Variants in AXL observed in about 807,000 individuals in gnomAD.
AXL encodes AXL receptor tyrosine kinase.
Under a neutral mutation model 104.5 loss-of-function variants are expected in AXL, and 52 were observed. The observed-to-expected ratio is 0.50, with a 90% CI of 0.40 to 0.63. AXL has a LOEUF of 0.63. AXL is among the 20% of genes least tolerant of loss of function. AXL has a pLI of 0.00. For missense variants in AXL, 1,024 were observed against 1,188.5 expected, an observed-to-expected ratio of 0.86 and a Z score of 2.04; for synonymous variants, 455 against 473.7, an observed-to-expected ratio of 0.96 and a Z score of 0.51.
At chr19:41,222,922 A>G (rs1218908444) in intron 4 of AXL, among the ~76,000 whole-genome samples, 2 of 149,410 alleles carry the variant, frequency 1.3e-5, no homozygotes, top group African/African-American at 2.5e-5. Context: ...AAAAAAAAAA[A>G]AAAGAAAGTG....
In AXL at chr19:41,239,623, A is replaced by G. The variant is rs1599734315; in HGVS notation, c.1286-71A>G. On this transcript the variant is annotated intron_variant, in intron 9 of 19. Coordinates refer to ENST00000301178, the MANE Select transcript of AXL (RefSeq NM_021913.5). ...ACTCCCTTACCCGTGCCACACCCTT[A>G]CTCCCTTACCCGTGCCACGCCAGTC... is the stretch of plus-strand genomic sequence containing the variant. The G allele has an allele frequency of 6.3e-6, 10 of 1,577,406 alleles. No individual in the cohort carries two copies. The South Asian group carries it at 8.9e-5, about 14-fold the overall frequency.
At chr19:41,241,994 A>G (rs1156884647) in intron 10 of AXL, among the ~76,000 whole-genome samples, 3 of 152,110 alleles carry the variant, frequency 2.0e-5, no homozygotes, top group Non-Finnish European at 2.9e-5. Context: ...CTGCTTATCT[A>G]CACTCTAGTC....
Position 41,225,096 on chromosome 19 carries a change from G to A in AXL, c.586+3040G>A, listed in dbSNP as rs535734702. The stretch of plus-strand genomic sequence containing the variant: ...TTGGCTTACTGTAACTTCCGCCTCC[G>A]GGGTTCAAGGGATTCTCCTGCCTCA... On this transcript the variant is annotated intron_variant, in intron 4 of 19. Coordinates refer to ENST00000301178, the MANE Select transcript of AXL (RefSeq NM_021913.5). 1.1e-4 allele frequency among the ~76,000 whole-genome samples: 16 copies of A among 152,238 alleles called. No homozygotes were observed. In the South Asian group the frequency reaches 2.3e-3, roughly 22 times the overall value.
intron 14 of AXL, among the ~76,000 whole-genome samples, chr19:41,251,540 G>A (rs1402771023): frequency 1.3e-5 from 2 of 150,778 alleles, no homozygotes; most frequent in Non-Finnish European, 3.0e-5. Context: ...CAAGCCTGGG[G>A]GACAAGGGCG....
At chr19:41,219,982 G>A (rs2033757600) in intron 1 of AXL, among the ~76,000 whole-genome samples, 1 of 151,734 alleles carries the variant, frequency 6.6e-6, no homozygotes, top group Admixed American at 6.6e-5. Context: ...TTGTCTCTCT[G>A]TCTCTGCCTC....
intron 19 of AXL, 72 bp from the exon 20 acceptor site, chr19:41,259,481 G>A: frequency 1.5e-6 from 2 of 1,365,254 alleles, no homozygotes; most frequent in Non-Finnish European, 1.0e-6. Flanking sequence ...GTCCTAAAAT[G>A]TCCCCAGGCT....
chr19:41,255,329 CTTT>C (rs1352316267), intron 17 of AXL, among the ~76,000 whole-genome samples: 1 of 150,350 alleles, frequency 6.7e-6, no homozygotes, highest in East Asian at 1.9e-4. Context: ...TCTTTTCTTT[CTTT>C]TTCTCTCTGT....
intron 4 of AXL, among the ~76,000 whole-genome samples, chr19:41,227,319 T>G (rs539780887): frequency 6.6e-6 from 1 of 152,234 alleles, no homozygotes; most frequent in Non-Finnish European, 1.5e-5. Flanking sequence ...CTTCACAATT[T>G]CGCAGATAGA....
rs769826822 is a variant in AXL, at chr19:41,253,683, C to T, written c.2011C>T (p.Arg671Trp). ...TCTGAGTACCAAGAGATTCATACAC[C>T]GGGACCTGGCGGCCAGGAACTGCAT... ...EYLSTKRFIH[R>W]DLAARNCMLN... The change falls in exon 17 of 20, where the codon CGG (arginine) becomes TGG (tryptophan). Residue 671 changes from arginine (R) to tryptophan (W), a missense_variant. Arg to Trp is a moderately radical substitution (Grantham distance 101). This residue lies in a region of AXL where 523 missense variants were observed against 636.0 expected (regional missense o/e 0.82). Transcript: ENST00000301178. 15 of 1,613,244 alleles carry T rather than the reference C, an allele frequency of 9.3e-6. No homozygotes were observed. Among genetic ancestry groups the T allele is most frequent in the Admixed American group, 6.7e-5 (4 of 59,906 alleles).
Position 41,259,768 on chromosome 19 carries a change from A to G in AXL, c.2549A>G (p.Asp850Gly). Residue 850 changes from aspartate (D) to glycine (G), a missense_variant, in exon 20 of 20, where the codon GAT (aspartate) becomes GGT (glycine). Transcript: ENST00000301178. ...CCCCCAACCCAGCCAGACCCTAAGG[A>G]TTCCTGTAGCTGCCTCACTGCGGCT... Reference protein sequence around the residue: ...ADPPTQPDPKDSCSCLTAAEV... With the variant: ...ADPPTQPDPKGSCSCLTAAEV... The G allele has an allele frequency of 6.2e-7, 1 of 1,614,010 alleles. No individual in the cohort carries two copies. Among genetic ancestry groups the G allele is most frequent in the Non-Finnish European group, 8.5e-7 (1 of 1,179,980 alleles).
chr19:41,228,329 G>T (rs1438670726), intron 4 of AXL, among the ~76,000 whole-genome samples: 2 of 152,112 alleles, frequency 1.3e-5, no homozygotes, highest in African/African-American at 4.8e-5. Context: ...GAGATGGGCA[G>T]ATCACTTGAG....
chr19:41,231,926 CAAA>C (rs35258825), intron 6 of AXL, among the ~76,000 whole-genome samples: 1 of 126,338 alleles, frequency 7.9e-6, no homozygotes. Context: ...GACTCTGTCT[CAAA>C]AAAAAAAAAG....
rs2122198653 is a variant in AXL at position 41,221,913 on chromosome 19, G to C, written c.443G>C (p.Arg148Thr). The part of the protein sequence containing the change: ...LPYFLEEPED[R>T]TVAANTPFNL... The stretch of plus-strand genomic sequence containing the variant: ...TACTTCCTGGAGGAGCCCGAAGACA[G>C]GACTGTGGCCGCCAACACCCCCTTC... Residue 148 changes from arginine to threonine, a missense_variant, in exon 4 of 20, where the codon AGG becomes ACG. Transcript: ENST00000301178. The C allele has an allele frequency of 6.2e-7, 1 of 1,613,788 alleles. No homozygotes were observed. The highest frequency in any genetic ancestry group is 1.1e-5 in the South Asian group (1 of 91,030).
Position 41,228,146 on chromosome 19 carries a change from G to A in AXL, c.587-2821G>A, listed in dbSNP as rs80177732. ...GGTATCTCTGTGTGCTTGCAGGTCTGTGTCTCTCGTGTTTGTCTCTGTAAT... is the reference window on the plus strand; with the variant it reads ...GGTATCTCTGTGTGCTTGCAGGTCTATGTCTCTCGTGTTTGTCTCTGTAAT... On this transcript the variant is annotated intron_variant, in intron 4 of 19. Transcript: ENST00000301178. Among the ~76,000 whole-genome samples the A allele has an allele frequency of 6.8e-3, 1,033 of 152,304 alleles. 10 individuals are homozygous for A. The highest frequency in any genetic ancestry group is 0.021 in the African/African-American group (866 of 41,550).
intron 4 of AXL, among the ~76,000 whole-genome samples, chr19:41,224,268 C>T (rs1316085085): frequency 6.6e-6 from 1 of 152,040 alleles, no homozygotes; most frequent in African/African-American, 2.4e-5. Flanking sequence ...AGTGTCAGCC[C>T]ACAGGTGTGC....
At chr19:41,232,199 C>T (rs931887513) in intron 6 of AXL, among the ~76,000 whole-genome samples, 5 of 152,186 alleles carry the variant, frequency 3.3e-5, no homozygotes, top group African/African-American at 1.2e-4. Flanking sequence ...CTGTCCCAGT[C>T]ACCACTGGCT....
At chr19:41,227,064 C>T (rs1287798887) in intron 4 of AXL, among the ~76,000 whole-genome samples, 4 of 152,130 alleles carry the variant, frequency 2.6e-5, no homozygotes, top group African/African-American at 9.7e-5. Flanking sequence ...TGCCACTGTA[C>T]TGCAGCCTGG....
At chr19:41,241,913 TCCTTAGTCCGC>T (rs2034189242) in intron 10 of AXL, among the ~76,000 whole-genome samples, 2 of 152,292 alleles carry the variant, frequency 1.3e-5, no homozygotes, top group South Asian at 4.2e-4. Context: ...CAAAAGATGT[TCCTTAGTCCGC>T]CCTCCTTGCA....
chr19:41,233,029 AC>A (rs1445593816), intron 6 of AXL, among the ~76,000 whole-genome samples: 1 of 151,560 alleles, frequency 6.6e-6, no homozygotes, highest in Non-Finnish European at 1.5e-5. Context: ...TCGCTCTGTT[AC>A]CCAGACTGGA....
Sources: gnomAD v4.1 joint callset for allele counts (sites outside exome capture counted in the v4.1 genomes callset) on GRCh38, gnomAD v4.1.1 for gene constraint, gnomAD v4.1.1 regional missense constraint, MANE v1.5 for transcripts, NCBI Gene and HGNC (gene_info 2026-07-23, HGNC 2026-07-21) for gene names.